Variants in PTPN3 observed in about 807,000 individuals in gnomAD.
PTPN3 encodes protein tyrosine phosphatase non-receptor type 3.
Under a neutral mutation model 132.7 loss-of-function variants are expected in PTPN3, and 96 were observed. That is an observed-to-expected ratio of 0.72 (90% confidence interval 0.61 to 0.86). The LOEUF (loss-of-function observed/expected upper bound fraction) is 0.86, where lower values mean the gene tolerates loss of function less well. Ranked by LOEUF, PTPN3 falls within the 40% of genes least tolerant of loss-of-function variation. The pLI is 0.00. For synonymous variants in PTPN3, 398 were observed against 429.0 expected (o/e 0.93, Z 0.89); for missense variants, 1,125 against 1,159.6 (o/e 0.97, Z 0.43).
chr9:109,527,354 G>C, the PTPN3 span, among the ~76,000 whole-genome samples: 5 of 152,238 alleles, frequency 3.3e-5, no homozygotes, highest in Admixed American at 2.0e-4. Flanking sequence ...CCGGCTACTT[G>C]GGAGGCTGAA....
intron 8 of PTPN3, among the ~76,000 whole-genome samples, chr9:109,437,359 G>A (rs938468429): frequency 5.3e-5 from 8 of 152,116 alleles, no homozygotes; most frequent in East Asian, 1.9e-4. Context: ...CACTGGCCCC[G>A]TACTATTTTA....
chr9:109,493,893 G>A (rs961312618), intron 1 of PTPN3, among the ~76,000 whole-genome samples: 2 of 152,220 alleles, frequency 1.3e-5, no homozygotes, highest in African/African-American at 4.8e-5. Flanking sequence ...GAGGCAGCCT[G>A]GCGACAGGGT....
chr9:109,387,443 G>C (rs1463945505), intron 22 of PTPN3, among the ~76,000 whole-genome samples: 5 of 152,168 alleles, frequency 3.3e-5, no homozygotes, highest in South Asian at 2.1e-4. Flanking sequence ...TGGCAACCCA[G>C]GGGCCCCTAA....
Position 109,398,970 on chromosome 9 carries a change from G to A in PTPN3, c.1953+5478C>T, listed in dbSNP as rs900630314. 2.0e-5 allele frequency among the ~76,000 whole-genome samples: 3 copies of A among 152,124 alleles called. No homozygotes were observed. In the East Asian group the frequency reaches 5.8e-4, roughly 29 times the overall value. On this transcript the variant is annotated intron_variant, in intron 19 of 25. Transcript: ENST00000374541. ...CCCAATTCTGCTCCTTTACATAAGA[G>A]AAAGAGGAACACCCTACCTTGGCTA...
chr9:109,450,821 T>C (rs927013875), intron 5 of PTPN3: 12 of 985,462 alleles, frequency 1.2e-5, no homozygotes, highest in African/African-American at 7.0e-5. Flanking sequence ...ACCCCACCTG[T>C]GACCTCAACT....
the PTPN3 span, among the ~76,000 whole-genome samples, chr9:109,512,184 G>C: frequency 6.6e-6 from 1 of 152,142 alleles, no homozygotes; most frequent in South Asian, 2.1e-4. Context: ...ACCTGGCCGT[G>C]CATCAGAATT....
intron 19 of PTPN3, chr9:109,397,750 T>C (rs1840718052): frequency 6.6e-6 from 1 of 152,132 alleles, no homozygotes; most frequent in East Asian, 1.9e-4. Flanking sequence ...ACCTAACAAG[T>C]ATTCTTGCAG....
At chr9:109,506,512 CTTCT>C in the PTPN3 span, among the ~76,000 whole-genome samples, 2 of 150,082 alleles carry the variant, frequency 1.3e-5, no homozygotes, top group African/African-American at 4.9e-5. Flanking sequence ...TCCTTCCTTC[CTTCT>C]TTCCTTCCTT....
chr9:109,514,023 A>T, the PTPN3 span, among the ~76,000 whole-genome samples: 1 of 152,090 alleles, frequency 6.6e-6, no homozygotes, highest in Non-Finnish European at 1.5e-5. Flanking sequence ...CTCCTTATCC[A>T]TGACTATCCA....
At chr9:109,402,008 C>A (rs998333977) in intron 19 of PTPN3, among the ~76,000 whole-genome samples, 2 of 152,176 alleles carry the variant, frequency 1.3e-5, no homozygotes, top group Non-Finnish European at 2.9e-5. Flanking sequence ...TAAAATTAGA[C>A]TGTAAACTCC....
intron 1 of PTPN3, among the ~76,000 whole-genome samples, chr9:109,474,098 C>T (rs1202869366): frequency 6.6e-6 from 1 of 152,006 alleles, no homozygotes; most frequent in East Asian, 1.9e-4. Context: ...TGACTGGTAA[C>T]CTTTCCCCAC....
the PTPN3 span, among the ~76,000 whole-genome samples, chr9:109,519,590 A>T: frequency 1.3e-5 from 2 of 152,288 alleles, no homozygotes; most frequent in African/African-American, 2.4e-5. Flanking sequence ...CCTGTAAATG[A>T]CATGGTAGCG....
chr9:109,451,034 CA>C, intron 5 of PTPN3: 1 of 941,958 alleles, frequency 1.1e-6, no homozygotes, highest in Non-Finnish European at 1.2e-6. Flanking sequence ...TTTTATTTTT[CA>C]TTTTTTTAAT....
chr9:109,476,286 T>C (rs12555850), intron 1 of PTPN3, among the ~76,000 whole-genome samples: 21 of 151,728 alleles, frequency 1.4e-4, no homozygotes, highest in Admixed American at 1.4e-3. Flanking sequence ...CTAAAAGGCA[T>C]GCCAAAATGC....
the PTPN3 span, among the ~76,000 whole-genome samples, chr9:109,526,431 G>T: frequency 1.3e-5 from 2 of 151,644 alleles, no homozygotes; most frequent in East Asian, 3.9e-4. Flanking sequence ...CCAACACTTT[G>T]TGGGGCTGAG....
In PTPN3 at chr9:109,383,457, T is replaced by C. The variant is rs747274167; in HGVS notation, c.2348A>G (p.Tyr783Cys). 29 of 1,613,684 alleles carry C rather than the reference T, an allele frequency of 1.8e-5. No individual in the cohort carries two copies. Among genetic ancestry groups the C allele is most frequent in the African/African-American group, 4.0e-5 (3 of 74,802 alleles). The change falls in exon 23 of 26, where the codon TAT (tyrosine) becomes TGT (cysteine). Residue 783 changes from tyrosine (Y) to cysteine (C), a missense_variant. Transcript: ENST00000374541. ...QCQSEDCTIA[Y>C]VSREMLVTNT... Reference sequence around the variant, plus strand: ...TGTGACCAGCATTTCTCGGGACACATAGGCGATGGTGCAGTCCTCTGACTG... The same window carrying C: ...TGTGACCAGCATTTCTCGGGACACACAGGCGATGGTGCAGTCCTCTGACTG...
At chr9:109,400,122 C>T (rs567462774) in intron 19 of PTPN3, among the ~76,000 whole-genome samples, 2 of 151,996 alleles carry the variant, frequency 1.3e-5, no homozygotes, top group East Asian at 1.9e-4. Context: ...GAGATGAGGT[C>T]TTGTTATGTT....
chr9:109,408,796 A>ATATATATATATATATATATGGGCTTT (rs1554783378), intron 16 of PTPN3, among the ~76,000 whole-genome samples: 2 of 108,374 alleles, frequency 1.8e-5, no homozygotes, highest in African/African-American at 7.4e-5. Context: ...AAAAAAAAAA[A>ATATATATATATATATATATGGGCTTT]ATATATATAT....
chr9:109,509,160 T>C, the PTPN3 span, among the ~76,000 whole-genome samples: 2 of 152,216 alleles, frequency 1.3e-5, no homozygotes, highest in African/African-American at 4.8e-5. Flanking sequence ...AATTAAAAAG[T>C]CTGTAAAATC....
Sources: allele counts gnomAD v4.1 joint callset (sites outside exome capture counted in the v4.1 genomes callset), GRCh38; gene constraint gnomAD v4.1.1; transcripts MANE v1.5; gene names NCBI Gene and HGNC (gene_info 2026-07-23, HGNC 2026-07-21).